TRPM6: variants seen among roughly 807,000 people sequenced by gnomAD.
TRPM6 encodes transient receptor potential cation channel subfamily M member 6.
A neutral mutation model predicts 247.6 loss-of-function variants in TRPM6; 111 were observed. The observed-to-expected ratio is 0.45, with a 90% CI of 0.38 to 0.52. The LOEUF (loss-of-function observed/expected upper bound fraction) is 0.52. TRPM6 is among the 20% of genes least tolerant of loss of function. The pLI, the probability that TRPM6 is intolerant of heterozygous loss-of-function variation, is 0.00. For missense variants in TRPM6, 2,126 were observed against 2,421.5 expected (o/e 0.88, Z 2.56); for synonymous variants, 892 against 853.8 (o/e 1.04, Z -0.78).
At chr9:74,728,458 C>A in intron 37 of TRPM6, 113 bp from the exon 38 acceptor site, 5 of 773,984 alleles carry the variant, frequency 6.5e-6, no homozygotes, top group Admixed American at 2.0e-5. Context: ...CTTGAAGGAG[C>A]CAACAAAAAA....
chr9:74,801,584 T>C (rs112686782), intron 16 of TRPM6, among the ~76,000 whole-genome samples: 6 of 152,294 alleles, frequency 3.9e-5, no homozygotes, highest in Middle Eastern at 3.4e-3. Flanking sequence ...CTTCTAGAGT[T>C]AGGGGGAGCT....
chr9:74,879,348 T>A lies in TRPM6; in HGVS notation c.33+8476A>T, dbSNP rs1354029516. 4.6e-5 allele frequency among the ~76,000 whole-genome samples: 7 copies of A among 150,632 alleles called. No homozygotes were observed. The East Asian group carries it at 9.7e-4, about 21-fold the overall frequency. The stretch of plus-strand genomic sequence containing the variant: ...TGATTTATATACATATATACATATA[T>A]ATATAACAAGGAACCATTTTATATA... On this transcript the variant is annotated intron_variant, in intron 1 of 38. Transcript: ENST00000360774.
chr9:74,869,828 A>G (rs897183523), intron 1 of TRPM6, among the ~76,000 whole-genome samples: 3 of 152,164 alleles, frequency 2.0e-5, no homozygotes, highest in African/African-American at 7.2e-5. Context: ...AAGGAAGGAA[A>G]TGGTATGGAC....
rs1365219245 is a variant in TRPM6 at position 74,792,584 on chromosome 9, T to A, written c.2538+40A>T. ...TATCAACATCATCACTAGCTATCAA[T>A]CATCATTAATCCGACATATATTGTT... On this transcript the variant is annotated intron_variant, in intron 19 of 38. Transcript: ENST00000360774. 2.5e-6 allele frequency: 4 copies of A among 1,601,474 alleles called. No individual in the cohort carries two copies. In the African/African-American group the frequency reaches 4.0e-5, roughly 16 times the overall value.
At position 74,761,736 on chromosome 9, in the gene TRPM6, A is replaced by G. The variant is rs1422939100; in HGVS notation, c.4745T>C (p.Leu1582Pro). ...KAKMLTKDRR[L>P]SKKKKNTQGL... is the part of the protein sequence containing the mutation. ...TTGAGTATTCTTCTTTTTCTTTGAC[A>G]GTCTCCTGTCTTTGGTTAGCATTTT... The change falls in exon 27 of 39, where the codon CTG becomes CCG. Residue 1582 changes from leucine (L) to proline (P), a missense_variant. By Grantham distance (98) the Leu-to-Pro change is moderately conservative. Around this residue, in one of 3 missense-constraint regions of TRPM6, gnomAD observed 717 missense variants for 715.9 expected, o/e 1.00. Coordinates refer to ENST00000360774, the MANE Select transcript of TRPM6 (RefSeq NM_017662.5). 6.2e-7 allele frequency: 1 copy of G among 1,613,848 alleles called. No homozygotes were observed. Among genetic ancestry groups the G allele is most frequent in the East Asian group, 2.2e-5 (1 of 44,880 alleles).
At chr9:74,886,515 T>C (rs556242885) in intron 1 of TRPM6, among the ~76,000 whole-genome samples, 25 of 139,042 alleles carry the variant, frequency 1.8e-4, no homozygotes, top group Admixed American at 2.1e-4. Context: ...TTTTTTCTCT[T>C]TTTTTTTTTT....
chr9:74,858,954 A>G (rs1262976448), intron 1 of TRPM6, among the ~76,000 whole-genome samples: 1 of 152,232 alleles, frequency 6.6e-6, no homozygotes, highest in East Asian at 1.9e-4. Flanking sequence ...AACGACACGC[A>G]AAGTGAATAT....
In TRPM6 at chr9:74,820,361, A is replaced by G; in HGVS notation, c.1077T>C (p.Leu359=). 7.4e-6 allele frequency: 12 copies of G among 1,614,124 alleles called. No individual in the cohort carries two copies. The highest frequency in any genetic ancestry group is 1.0e-5 in the Non-Finnish European group (12 of 1,179,984). ...TTTGGAAAAGGTGCTTGGACTGTTT[A>G]AGACTAAAGTTGAAAGTGTTCTGAA... ...CMIQNTFNFS[L]KQSKHLFQIL... The change falls in exon 9 of 39, where the codon CTT becomes CTC. Residue 359 remains leucine (L), a synonymous_variant. Coordinates refer to ENST00000360774, the MANE Select transcript of TRPM6 (RefSeq NM_017662.5).
In TRPM6 at chr9:74,800,390, T is replaced by A; in HGVS notation, c.2102A>T (p.Asn701Ile). 1 of 1,613,984 alleles carries A rather than the reference T, an allele frequency of 6.2e-7. No homozygotes were observed. The change falls in exon 17 of 39, where the codon AAC becomes ATC. Residue 701 changes from asparagine to isoleucine, a missense_variant. Asn to Ile is a moderately radical substitution (Grantham distance 149). Transcript: ENST00000360774. ...TTTAAGGCAGGTCGAATTGCTCCAG[T>A]TCCTGAGTTCATACGTCAACAGCGT... ...AMTLLTYELRNWSNSTCLKLA... is the reference protein window; with the variant it reads ...AMTLLTYELRIWSNSTCLKLA...
chr9:74,744,358 T>C (rs1033020117), intron 31 of TRPM6, among the ~76,000 whole-genome samples: 2 of 152,168 alleles, frequency 1.3e-5, no homozygotes, highest in South Asian at 2.1e-4. Context: ...AACATATTTA[T>C]ATAGGGAATT....
At chr9:74,767,875 C>A (rs781009209) in intron 25 of TRPM6, among the ~76,000 whole-genome samples, 11 of 152,132 alleles carry the variant, frequency 7.2e-5, no homozygotes, top group Non-Finnish European at 1.5e-4. Flanking sequence ...ACTTGTAAGG[C>A]TGAGGCAAGA....
intron 16 of TRPM6, among the ~76,000 whole-genome samples, 160 bp from the exon 17 acceptor site, chr9:74,800,642 A>C (rs1011098733): frequency 1.5e-4 from 22 of 151,674 alleles, no homozygotes; most frequent in Non-Finnish European, 2.2e-4. Context: ...AAAGCCAACA[A>C]CACCAAACAG....
chr9:74,872,334 G>A (rs1325148054), intron 1 of TRPM6, among the ~76,000 whole-genome samples: 3 of 149,264 alleles, frequency 2.0e-5, no homozygotes, highest in Admixed American at 6.6e-5. Context: ...ATGGGATCTT[G>A]CTTTGTTGGC....
At chr9:74,837,721 C>T (rs1436616448) in intron 5 of TRPM6, among the ~76,000 whole-genome samples, 3 of 149,646 alleles carry the variant, frequency 2.0e-5, no homozygotes, top group African/African-American at 7.4e-5. Context: ...GTTGGGATTA[C>T]AGGTGTGAGC....
intron 3 of TRPM6, among the ~76,000 whole-genome samples, chr9:74,848,184 C>T (rs111286644): frequency 6.6e-5 from 10 of 152,324 alleles, no homozygotes; most frequent in African/African-American, 1.9e-4. Context: ...TTATTCTTAG[C>T]TTATTAAGCT....
Position 74,749,821 on chromosome 9 carries a change from A to T in TRPM6, c.5057+843T>A, listed in dbSNP as rs148609366. Among the ~76,000 whole-genome samples the T allele has an allele frequency of 8.4e-3, 1,276 of 152,274 alleles. 11 individuals carry two copies. Among genetic ancestry groups the T allele is most frequent in the African/African-American group, 0.029 (1,212 of 41,556 alleles). On this transcript the variant is annotated intron_variant, in intron 30 of 38. Coordinates refer to ENST00000360774, the MANE Select transcript of TRPM6 (RefSeq NM_017662.5). ...AAAGTCATGTGTCCTTTAAGTCTGG[A>T]GGCAGGCTTGCACAGGGTCCATGAT...
rs145925420 is a variant in TRPM6 at position 74,831,405 on chromosome 9, G to A, written c.669+2593C>T. On this transcript the variant is annotated intron_variant, in intron 6 of 38. Coordinates refer to ENST00000360774, the MANE Select transcript of TRPM6 (RefSeq NM_017662.5). ...CTTGGGAGGCTGAGGCAGGAGAATC[G>A]CTTGAACCCAGGAGGCGGAGGTTGC... Among the ~76,000 whole-genome samples the A allele has an allele frequency of 1.3e-4, 20 of 152,154 alleles. No individual in the cohort carries two copies. The East Asian group carries it at 3.3e-3, about 25-fold the overall frequency.
intron 11 of TRPM6, 128 bp from the exon 12 acceptor site, chr9:74,812,561 G>T: frequency 1.9e-5 from 16 of 862,226 alleles, no homozygotes; most frequent in South Asian, 3.2e-5. Context: ...CCATCAGTGG[G>T]TACAGAAAAA....
rs752296414 is a variant in TRPM6, at chr9:74,887,807, G to A, written c.33+17C>T. 3 of 1,614,092 alleles carry A rather than the reference G, an allele frequency of 1.9e-6. No homozygotes were observed. The highest frequency in any genetic ancestry group is 4.5e-5 in the East Asian group (2 of 44,870). On this transcript the variant is annotated intron_variant, in intron 1 of 38. Transcript: ENST00000360774. ...CTAAGGTCCTTGTTCCCCGCCAGTC[G>A]AGCAGCCTGAGCTTACCTGCAAGCG...
Sources: allele counts gnomAD v4.1 joint callset (sites outside exome capture counted in the v4.1 genomes callset), GRCh38; gene constraint gnomAD v4.1.1; regional missense constraint gnomAD v4.1.1; transcripts MANE v1.5; gene names NCBI Gene and HGNC (gene_info 2026-07-23, HGNC 2026-07-21).